CREBBP: variants seen among roughly 807,000 people sequenced by gnomAD.
CREBBP encodes CREB binding lysine acetyltransferase, also known as CREB-binding protein.
CREBBP carries 19 observed loss-of-function variants against 265.0 expected under a neutral mutation model. The ratio of observed to expected loss-of-function variants is 0.07; its 90% CI spans 0.05 to 0.11. CREBBP has a LOEUF of 0.11. Ranked by LOEUF, CREBBP falls within the 10% of genes least tolerant of loss-of-function variation. The pLI is 1.00. For synonymous variants in CREBBP, 1,457 were observed against 1,223.7 expected (o/e 1.19, Z -3.98); for missense variants, 2,525 against 3,219.0 (o/e 0.78, Z 5.22).
At chr16:3,761,690 CA>C in intron 16 of CREBBP, 1 of 460,958 alleles carries the variant, frequency 2.2e-6, no homozygotes, top group South Asian at 1.6e-5. Context: ...ACTCCCCACG[CA>C]CACGGTCCCC....
intron 3 of CREBBP, among the ~76,000 whole-genome samples, chr16:3,803,278 G>GGGGGGGGGGGT (rs2053760764): frequency 2.8e-5 from 1 of 36,344 alleles, no homozygotes; most frequent in African/African-American, 1.0e-4. Context: ...GGGGGGGGGG[G>GGGGGGGGGGGT]GGTGGATCAC....
intron 1 of CREBBP, among the ~76,000 whole-genome samples, chr16:3,870,830 G>A (rs914814194): frequency 6.6e-6 from 1 of 152,098 alleles, no homozygotes; most frequent in East Asian, 1.9e-4. Context: ...AGGCACCCTA[G>A]TAGCCCCATG....
chr16:3,736,614 T>A (rs772193549), intron 27 of CREBBP, 36 bp downstream of exon 27: 1 of 1,614,168 alleles, frequency 6.2e-7, no homozygotes, highest in South Asian at 1.1e-5. Flanking sequence ...CCCTCAGTTG[T>A]GACAAAAGCC....
chr16:3,806,449 T>C (rs1374284000), intron 3 of CREBBP, among the ~76,000 whole-genome samples: 1 of 149,360 alleles, frequency 6.7e-6, no homozygotes, highest in Non-Finnish European at 1.5e-5. Flanking sequence ...CATAACGCAG[T>C]TCTTAAAAAA....
rs2141237781 is a variant in CREBBP at position 3,778,767 on chromosome 16, C to A, written c.1874G>T (p.Arg625Leu). The A allele has an allele frequency of 6.2e-7, 1 of 1,614,004 alleles. No individual in the cohort carries two copies. The highest frequency in any genetic ancestry group is 8.5e-7 in the Non-Finnish European group (1 of 1,179,912). ...AGCATAGGCTACCAGGTTTTCCATGCGGCGATCCTTTAGAGCTGCGGGATC... is the reference window on the plus strand; with the variant it reads ...AGCATAGGCTACCAGGTTTTCCATGAGGCGATCCTTTAGAGCTGCGGGATC... The part of the protein sequence containing the change: ...TPDPAALKDR[R>L]MENLVAYAKK... The change falls in exon 9 of 31, where the codon CGC (arginine) becomes CTC (leucine). Residue 625 changes from arginine to leucine, a missense_variant. Transcript: ENST00000262367.
At chr16:3,874,954 G>GT (rs2141597592) in intron 1 of CREBBP, among the ~76,000 whole-genome samples, 1 of 152,304 alleles carries the variant, frequency 6.6e-6, no homozygotes, top group South Asian at 2.1e-4. Flanking sequence ...CTTAACTAAG[G>GT]TAAGACACAC....
chr16:3,841,450 G>A (rs886685413), intron 2 of CREBBP, among the ~76,000 whole-genome samples: 7 of 151,900 alleles, frequency 4.6e-5, no homozygotes, highest in African/African-American at 1.7e-4. Context: ...ACAAATAAAG[G>A]TGTATATAAG....
chr16:3,796,899 G>A (rs2053618941), intron 3 of CREBBP, among the ~76,000 whole-genome samples: 1 of 152,196 alleles, frequency 6.6e-6, no homozygotes, highest in South Asian at 2.1e-4. Context: ...AATGGAAAAT[G>A]TCTTATGTCC....
chr16:3,729,966 T>C, intron 30 of CREBBP, 92 bp from the exon 31 acceptor site: 1 of 1,553,752 alleles, frequency 6.4e-7, no homozygotes, highest in Non-Finnish European at 8.6e-7. Context: ...TAAGTCTGGG[T>C]CTGTGCCAGG....
At chr16:3,805,758 C>G (rs765312037) in intron 3 of CREBBP, among the ~76,000 whole-genome samples, 17 of 152,202 alleles carry the variant, frequency 1.1e-4, no homozygotes, top group Non-Finnish European at 2.1e-4. Context: ...AGTGGGACAG[C>G]TGGTCACAAT....
intron 2 of CREBBP, among the ~76,000 whole-genome samples, chr16:3,846,204 T>G (rs2054664495): frequency 2.6e-5 from 4 of 152,118 alleles, no homozygotes; most frequent in Admixed American, 6.6e-5. Context: ...TGGACAAAGA[T>G]TATGAACAAT....
Position 3,850,605 on chromosome 16 carries a change from T to C in CREBBP, c.490A>G (p.Ser164Gly), listed in dbSNP as rs2054811449. Residue 164 changes from serine to glycine, a missense_variant, in exon 2 of 31, where the codon AGC becomes GGC. Ser to Gly is a moderately conservative substitution (Grantham distance 56). This residue lies in a region of CREBBP where 356 missense variants were observed against 340.4 expected (regional missense o/e 1.05). Coordinates refer to ENST00000262367, the MANE Select transcript of CREBBP (RefSeq NM_004380.3). The part of the protein sequence containing the change: ...QAQKQVGLAT[S>G]SPATSQTGPG... ...CCAGTCTGTGACGTGGCAGGGCTGC[T>C]AGTCGCCAGCCCCACTTGCTTTTGT... The C allele has an allele frequency of 2.5e-6, 4 of 1,614,262 alleles. No individual in the cohort carries two copies. Among genetic ancestry groups the C allele is most frequent in the Non-Finnish European group, 3.4e-6 (4 of 1,180,052 alleles).
At chr16:3,735,269 G>A (rs1041982244) in intron 28 of CREBBP, among the ~76,000 whole-genome samples, 1 of 152,164 alleles carries the variant, frequency 6.6e-6, no homozygotes, top group East Asian at 1.9e-4. Context: ...ATCCTACCAG[G>A]ACACAGCCAC....
intron 2 of CREBBP, among the ~76,000 whole-genome samples, chr16:3,836,522 A>T (rs1438522842): frequency 1.3e-5 from 2 of 152,090 alleles, no homozygotes; most frequent in Non-Finnish European, 2.9e-5. Context: ...GGAGGCATAC[A>T]AAGGAACTTT....
chr16:3,770,031 C>T (rs1034307028), intron 14 of CREBBP, among the ~76,000 whole-genome samples: 13 of 152,052 alleles, frequency 8.5e-5, no homozygotes, highest in African/African-American at 2.9e-4. Context: ...CCATCATGCC[C>T]GGCTAATTTT....
intron 1 of CREBBP, among the ~76,000 whole-genome samples, chr16:3,869,765 A>T (rs1351039430): frequency 1.3e-5 from 2 of 152,182 alleles, no homozygotes; most frequent in East Asian, 3.8e-4. Context: ...GCATCCCGAG[A>T]ACACAGGCAT....
At chr16:3,792,924 C>T (rs1315059569) in intron 4 of CREBBP, among the ~76,000 whole-genome samples, 4 of 152,204 alleles carry the variant, frequency 2.6e-5, no homozygotes, top group South Asian at 2.1e-4. Context: ...CGCTGTCATC[C>T]GCACTTGCCT....
At chr16:3,734,761 C>A (rs1038869729) in intron 28 of CREBBP, among the ~76,000 whole-genome samples, 4 of 152,158 alleles carry the variant, frequency 2.6e-5, no homozygotes, top group Admixed American at 2.0e-4. Flanking sequence ...TGCCTCTCAA[C>A]CACCTGTGCA....
At chr16:3,760,149 T>C (rs527323248) in intron 16 of CREBBP, among the ~76,000 whole-genome samples, 5 of 152,228 alleles carry the variant, frequency 3.3e-5, no homozygotes, top group African/African-American at 4.8e-5. Context: ...TGGGGGACAA[T>C]GGCATCATCT....
Sources: gnomAD v4.1 joint callset for allele counts (sites outside exome capture counted in the v4.1 genomes callset) on GRCh38, gnomAD v4.1.1 for gene constraint, gnomAD v4.1.1 regional missense constraint, MANE v1.5 for transcripts, NCBI Gene and HGNC (gene_info 2026-07-23, HGNC 2026-07-21) for gene names.